The following PALM2AKAP2 variants were observed in gnomAD, a reference collection of about 807,000 sequenced individuals.
PALM2AKAP2 encodes PALM2 and AKAP2 fusion.
In PALM2AKAP2, 37 loss-of-function variants were observed where a neutral mutation model predicts 71.5. The observed-to-expected ratio is 0.52, with a 90% confidence interval of 0.40 to 0.68. The LOEUF (loss-of-function observed/expected upper bound fraction) is 0.68. PALM2AKAP2 is among the 30% of genes least tolerant of loss of function. The pLI is 0.00. For synonymous variants in PALM2AKAP2, 468 were observed against 478.8 expected (o/e 0.98, Z 0.29); for missense variants, 1,224 against 1,191.8 (o/e 1.03, Z -0.40).
At chr9:109,781,748 A>G (rs78848095) in intron 1 of PALM2AKAP2, among the ~76,000 whole-genome samples, 3,733 of 152,302 alleles carry the variant, frequency 0.025, 164 homozygotes, top group African/African-American at 0.085. Flanking sequence ...TTGAAATGCC[A>G]TGGTTTGCCT....
intron 3 of PALM2AKAP2, among the ~76,000 whole-genome samples, chr9:109,899,215 C>A (rs1184017952): frequency 1.3e-5 from 2 of 152,146 alleles, no homozygotes; most frequent in Non-Finnish European, 2.9e-5. Context: ...TGATTGATTC[C>A]TTTTCATTGA....
chr9:109,728,450 G>A (rs1409260337), intron 1 of PALM2AKAP2, among the ~76,000 whole-genome samples: 1 of 152,180 alleles, frequency 6.6e-6, no homozygotes, highest in Non-Finnish European at 1.5e-5. Flanking sequence ...ACAGAAGGAA[G>A]AAGTAAAAGA....
At position 110,075,362 on chromosome 9, in the gene PALM2AKAP2, G is replaced by A. The variant is rs187008570; in HGVS notation, c.156+26507G>A. ...ATAAAATTGTTTGAAAACTGAATCA[G>A]ATGTTTATGTAATTCATAAAAACAT... On this transcript the variant is annotated intron_variant, in intron 1 of 3. Coordinates refer to ENST00000374525, the Ensembl canonical transcript of PALM2AKAP2. 1.8e-4 allele frequency among the ~76,000 whole-genome samples: 28 copies of A among 152,202 alleles called. No individual in the cohort carries two copies. The East Asian group carries it at 4.8e-3, about 26-fold the overall frequency.
At chr9:109,681,886 T>A (rs1827741673) in intron 1 of PALM2AKAP2, among the ~76,000 whole-genome samples, 1 of 152,092 alleles carries the variant, frequency 6.6e-6, no homozygotes, top group Non-Finnish European at 1.5e-5. Flanking sequence ...CCTCTCCCCA[T>A]CCCTAATGTA....
intron 1 of PALM2AKAP2, among the ~76,000 whole-genome samples, chr9:110,063,645 C>T (rs1289239860): frequency 1.3e-5 from 2 of 151,836 alleles, no homozygotes; most frequent in South Asian, 2.1e-4. Context: ...AATTTCACCA[C>T]GTTGGCCAGG....
chr9:110,141,359 C>G (rs988803840), intron 2 of PALM2AKAP2, among the ~76,000 whole-genome samples: 1 of 152,124 alleles, frequency 6.6e-6, no homozygotes, highest in South Asian at 2.1e-4. Flanking sequence ...ATCTTGATGT[C>G]GTATTGAGTA....
intron 1 of PALM2AKAP2, among the ~76,000 whole-genome samples, chr9:109,855,743 C>A (rs1179854574): frequency 6.6e-6 from 1 of 152,106 alleles, no homozygotes; most frequent in African/African-American, 2.4e-5. Context: ...AGGATTAAAT[C>A]CTCTTTCCTT....
At chr9:110,011,014 A>ATATATATATATATATAT (rs1554737803) in intron 6 of PALM2AKAP2, among the ~76,000 whole-genome samples, 3 of 69,582 alleles carry the variant, frequency 4.3e-5, no homozygotes, top group African/African-American at 7.8e-5. Flanking sequence ...AAAAAAAAAA[A>ATATATATATATATATAT]ATATATATAT....
chr9:109,725,924 C>T (rs1247475798), intron 1 of PALM2AKAP2, among the ~76,000 whole-genome samples: 1 of 152,114 alleles, frequency 6.6e-6, no homozygotes, highest in African/African-American at 2.4e-5. Flanking sequence ...GCTAACATAC[C>T]CTCTTACAAT....
intron 1 of PALM2AKAP2, among the ~76,000 whole-genome samples, chr9:109,787,112 A>C (rs958851613): frequency 6.6e-6 from 1 of 152,218 alleles, no homozygotes; most frequent in Non-Finnish European, 1.5e-5. Context: ...GGTAGTTACC[A>C]GCATGGATTT....
chr9:109,710,062 T>C (rs749659103), intron 1 of PALM2AKAP2, among the ~76,000 whole-genome samples: 46 of 151,882 alleles, frequency 3.0e-4, no homozygotes, highest in Admixed American at 1.4e-3. Context: ...GAGATTGGAG[T>C]GGCGTAACTA....
exon 2 of PALM2AKAP2, chr9:110,137,419 C>T (rs769791170): frequency 1.9e-5 from 31 of 1,614,038 alleles, no homozygotes; most frequent in Admixed American, 6.7e-5. Flanking sequence ...AGAAATCCCC[C>T]GGTGCCCTGG....
At chr9:110,046,464 C>CTTTTTT (rs10601764), upstream of PALM2AKAP2, among the ~76,000 whole-genome samples, 2 of 104,724 alleles carry the variant, frequency 1.9e-5, no homozygotes, top group African/African-American at 3.9e-5. Context: ...GATTGCTTTA[C>CTTTTTT]TTTTTTTTTT....
At chr9:110,074,653 G>T (rs142239815) in intron 1 of PALM2AKAP2, among the ~76,000 whole-genome samples, 1 of 152,044 alleles carries the variant, frequency 6.6e-6, no homozygotes, top group Non-Finnish European at 1.5e-5. Flanking sequence ...ACACACACAC[G>T]CACATACACA....
intron 1 of PALM2AKAP2, among the ~76,000 whole-genome samples, chr9:109,859,393 T>C (rs1301816884): frequency 6.6e-6 from 1 of 152,182 alleles, no homozygotes; most frequent in African/African-American, 2.4e-5. Flanking sequence ...AACAACAATA[T>C]ATTTTAGATT....
At position 109,784,805 on chromosome 9, in the gene PALM2AKAP2, A is replaced by T. The variant is rs78439094; in HGVS notation, c.45+4272A>T. Reference sequence around the variant, plus strand: ...GGCGGCAGCGTCTCGCACTTTTCCCATGAGCACACTGTGCAGGTGGTCTCA... The same window carrying T: ...GGCGGCAGCGTCTCGCACTTTTCCCTTGAGCACACTGTGCAGGTGGTCTCA... On this transcript the variant is annotated intron_variant, in intron 1 of 9. Coordinates refer to the PALM2AKAP2 transcript ENST00000302798. 2.6e-3 allele frequency among the ~76,000 whole-genome samples: 403 copies of T among 152,344 alleles called. 2 individuals are homozygous for T. Among genetic ancestry groups the T allele is most frequent in the African/African-American group, 9.4e-3 (391 of 41,588 alleles).
chr9:109,819,081 T>A (rs1827922694), intron 1 of PALM2AKAP2, among the ~76,000 whole-genome samples: 1 of 152,196 alleles, frequency 6.6e-6, no homozygotes. Context: ...GGCGAACAGA[T>A]GAATTAGTAA....
At chr9:110,155,406 T>C (rs1836423523) in intron 2 of PALM2AKAP2, among the ~76,000 whole-genome samples, 1 of 152,166 alleles carries the variant, frequency 6.6e-6, no homozygotes, top group Non-Finnish European at 1.5e-5. Context: ...CATTTGGGGC[T>C]CTGTGTCAAT....
In PALM2AKAP2 at chr9:109,803,580, G is replaced by A. The variant is rs150667523; in HGVS notation, c.45+23047G>A. Among the ~76,000 whole-genome samples the A allele has an allele frequency of 2.7e-3, 405 of 152,256 alleles. 4 individuals are homozygous for A. The highest frequency in any genetic ancestry group is 9.1e-3 in the South Asian group (44 of 4,820). ...TGCAAGTAGTAATAATCAGAGACCTGGAAAACTTCAAGAGTTCTGTAGGAA... is the reference window on the plus strand; with the variant it reads ...TGCAAGTAGTAATAATCAGAGACCTAGAAAACTTCAAGAGTTCTGTAGGAA... On this transcript the variant is annotated intron_variant, in intron 1 of 9. Coordinates refer to the PALM2AKAP2 transcript ENST00000302798.
Sources: gnomAD v4.1 joint callset for allele counts (sites outside exome capture counted in the v4.1 genomes callset) on GRCh38, gnomAD v4.1.1 for gene constraint, MANE v1.5 for transcripts, NCBI Gene and HGNC (gene_info 2026-07-23, HGNC 2026-07-21) for gene names.